Variants in IKZF4 observed in about 807,000 individuals in gnomAD.
IKZF4 encodes IKAROS family zinc finger 4.
A neutral mutation model predicts 47.7 loss-of-function variants in IKZF4; 11 were observed. That is an observed-to-expected ratio of 0.23 (90% CI 0.15 to 0.38). The LOEUF is 0.38. Ranked by LOEUF, IKZF4 falls within the 10% of genes least tolerant of loss-of-function variation. IKZF4 has a pLI of 1.00. For missense variants in IKZF4, 557 were observed against 784.9 expected, an observed-to-expected ratio of 0.71 and a Z score of 3.47; for synonymous variants, 298 against 299.4, an observed-to-expected ratio of 1.00 and a Z score of 0.05.
intron 2 of IKZF4, chr12:56,024,588 ATAT>A (rs761513990): frequency 1.1e-5 from 11 of 967,036 alleles, no homozygotes; most frequent in South Asian, 4.2e-5. Context: ...TACTCAATTA[ATAT>A]TATTAGCTGC....
At chr12:56,030,861 G>A (rs1384020104) in intron 5 of IKZF4, among the ~76,000 whole-genome samples, 2 of 152,214 alleles carry the variant, frequency 1.3e-5, no homozygotes, top group Admixed American at 1.3e-4. Flanking sequence ...ATAAGTTGTA[G>A]TGTTCCACAG....
rs186692224 is a variant in IKZF4 at position 56,032,554 on chromosome 12, T to C, written c.716-7T>C. 3.1e-3 allele frequency: 5,058 copies of C among 1,609,320 alleles called. 11 individuals are homozygous for C. The highest frequency in any genetic ancestry group is 3.8e-3 in the Non-Finnish European group (4,427 of 1,177,898). ...CTCTGATGCCATCTTTCCACTCTCC[T>C]CCACAGTCTCCTCTCCCACAGTGGG... On this transcript the variant is annotated splice_region_variant and splice_polypyrimidine_tract_variant and intron_variant, in intron 5 of 7. Transcript: ENST00000547167.
At chr12:56,034,190 C>T (rs568181963) in intron 7 of IKZF4, among the ~76,000 whole-genome samples, 354 of 152,254 alleles carry the variant, frequency 2.3e-3, no homozygotes, top group Middle Eastern at 0.01. Flanking sequence ...CGTGAGCCAC[C>T]GCGCCCGGCC....
upstream of IKZF4, chr12:56,018,254 G>C: frequency 9.0e-7 from 1 of 1,108,276 alleles, no homozygotes; most frequent in South Asian, 1.3e-5. Context: ...AGAGCCTTCA[G>C]CCTAGGCACA....
intron 5 of IKZF4, among the ~76,000 whole-genome samples, chr12:56,028,582 GT>G (rs2136681368): frequency 7.2e-6 from 1 of 138,878 alleles, no homozygotes; most frequent in Admixed American, 7.2e-5. Context: ...CCTGACTTTT[GT>G]TTGTTTTTTG....
intron 1 of IKZF4, 88 bp downstream of exon 1, chr12:56,021,668 G>A: frequency 1.3e-6 from 2 of 1,511,434 alleles, no homozygotes; most frequent in South Asian, 1.2e-5. Flanking sequence ...CCAAGCCTGA[G>A]GAGATGGAGA....
At chr12:56,026,454 C>A (rs531292516) in intron 3 of IKZF4, among the ~76,000 whole-genome samples, 220 of 151,782 alleles carry the variant, frequency 1.4e-3, no homozygotes, top group African/African-American at 5.1e-3. Flanking sequence ...CTTTGGGAGG[C>A]CAAGGCAGGC....
At chr12:56,016,522 A>C (rs1211445137), upstream of IKZF4, among the ~76,000 whole-genome samples, 1 of 148,898 alleles carries the variant, frequency 6.7e-6, no homozygotes, top group African/African-American at 2.5e-5. Context: ...CCCAGGCTCA[A>C]GCGATTCTCC....
At chr12:56,015,713 T>C (rs911940271) in intron 2 of IKZF4, among the ~76,000 whole-genome samples, 6 of 152,178 alleles carry the variant, frequency 3.9e-5, no homozygotes, top group African/African-American at 9.6e-5. Flanking sequence ...TCCATTCATT[T>C]TGAAAAACAC....
rs752348057 is a variant in IKZF4, at chr12:56,036,625, T to C, written c.*1294T>C. 5 of 152,222 alleles carry C rather than the reference T, an allele frequency of 3.3e-5. No individual in the cohort carries two copies. The highest frequency in any genetic ancestry group is 4.8e-5 in the African/African-American group (2 of 41,452). 9.4% of individuals were successfully genotyped at this position (152,222 alleles called of 1,614,324 possible). ...ACGTGCCCTTCACCCCATTCCACCCTTGTTCCAGCAAGACTGGGATGGGTA... is the reference window on the plus strand; with the variant it reads ...ACGTGCCCTTCACCCCATTCCACCCCTGTTCCAGCAAGACTGGGATGGGTA... On this transcript the variant is annotated 3_prime_UTR_variant, in exon 8 of 8. Coordinates refer to ENST00000547167, the MANE Select transcript of IKZF4 (RefSeq NM_022465.4).
rs764960278 is a variant in IKZF4 at position 56,026,845 on chromosome 12, G to T, written c.351G>T (p.Glu117Asp). The T allele has an allele frequency of 9.3e-6, 15 of 1,612,220 alleles. No homozygotes were observed. The highest frequency in any genetic ancestry group is 1.2e-5 in the Non-Finnish European group (14 of 1,179,264). ...CAAGCAGACTGCTGGGGCCAGATGA[G>T]CGGCTCCTGGAAAAGGACGACAGCG... ...EESSRLLGPDERLLEKDDSVI... is the reference protein window; with the variant it reads ...EESSRLLGPDDRLLEKDDSVI... Residue 117 changes from glutamate (E) to aspartate (D), a missense_variant, in exon 4 of 8, where the codon GAG becomes GAT. Glu to Asp is a conservative substitution (Grantham distance 45). Coordinates refer to ENST00000547167, the MANE Select transcript of IKZF4 (RefSeq NM_022465.4).
chr12:56,007,930 G>A (rs940786172), intron 1 of IKZF4, among the ~76,000 whole-genome samples: 1 of 152,148 alleles, frequency 6.6e-6, no homozygotes, highest in East Asian at 1.9e-4. Context: ...CGAGGCCCCA[G>A]TATTAAGAGC....
chr12:56,021,020 A>ATCTC (rs144352403), upstream of IKZF4: 1 of 787,030 alleles, frequency 1.3e-6, no homozygotes, highest in Non-Finnish European at 1.5e-6. Context: ...AGGCCCATCC[A>ATCTC]TCTCTCTCTC....
chr12:56,034,453 A>G (rs984117218), intron 7 of IKZF4, 118 bp from the exon 8 acceptor site: 1 of 1,060,630 alleles, frequency 9.4e-7, no homozygotes, highest in Non-Finnish European at 1.4e-6. Context: ...GCGAAAGTAA[A>G]TGCCACGTAG....
At chr12:56,012,892 G>A (rs976739062) in intron 2 of IKZF4, among the ~76,000 whole-genome samples, 1 of 152,196 alleles carries the variant, frequency 6.6e-6, no homozygotes, top group African/African-American at 2.4e-5. Flanking sequence ...GCTGAGGAAG[G>A]AGGATTGCTT....
At chr12:56,021,688 C>CTG (rs67296911) in intron 1 of IKZF4, 108 bp downstream of exon 1, 88,684 of 652,344 alleles carry the variant, frequency 0.14, 2,111 homozygotes, top group East Asian at 0.2. Context: ...AGGATGGGGG[C>CTG]TGTGTGTGTG....
At chr12:56,025,309 G>A in intron 3 of IKZF4, 151 bp downstream of exon 3, 2 of 438,696 alleles carry the variant, frequency 4.6e-6, no homozygotes, top group South Asian at 1.9e-4. Flanking sequence ...CCAGTGTCTA[G>A]GGTTTTTCTG....
At chr12:56,014,899 C>T (rs955151029) in intron 2 of IKZF4, among the ~76,000 whole-genome samples, 1 of 152,206 alleles carries the variant, frequency 6.6e-6, no homozygotes, top group African/African-American at 2.4e-5. Context: ...GAGAGGCAGG[C>T]AACTTGTGTT....
chr12:56,027,603 C>A (rs1314862045), intron 4 of IKZF4, among the ~76,000 whole-genome samples, 177 bp from the exon 5 acceptor site: 1 of 152,142 alleles, frequency 6.6e-6, no homozygotes, highest in African/African-American at 2.4e-5. Context: ...AGGGTAAGAC[C>A]CCAGGGATCC....
Sources: gnomAD v4.1 joint callset for allele counts (sites outside exome capture counted in the v4.1 genomes callset) on GRCh38, gnomAD v4.1.1 for gene constraint, MANE v1.5 for transcripts, NCBI Gene and HGNC (gene_info 2026-07-23, HGNC 2026-07-21) for gene names.